ADAMTS19: variants seen among roughly 807,000 people sequenced by gnomAD.
ADAMTS19 encodes A disintegrin and metalloproteinase with thrombospondin motifs 19.
A neutral mutation model predicts 153.3 loss-of-function variants in ADAMTS19; 93 were observed. The ratio of observed to expected loss-of-function variants is 0.61; its 90% CI spans 0.51 to 0.72. The LOEUF is 0.72. ADAMTS19 is among the 30% of genes least tolerant of loss of function. The pLI is 0.00. For synonymous variants in ADAMTS19, 600 were observed against 556.6 expected, an observed-to-expected ratio of 1.08 and a Z score of -1.10; for missense variants, 1,482 against 1,552.1, an observed-to-expected ratio of 0.95 and a Z score of 0.76.
At chr5:129,657,902 G>A (rs747632047) in intron 14 of ADAMTS19, among the ~76,000 whole-genome samples, 2 of 152,182 alleles carry the variant, frequency 1.3e-5, no homozygotes, top group Non-Finnish European at 2.9e-5. Context: ...TAATAGAAAT[G>A]TGATTTCCTT....
Position 129,666,857 on chromosome 5 carries a change from T to G in ADAMTS19, c.2506+1278T>G, listed in dbSNP as rs145132065. On this transcript the variant is annotated intron_variant, in intron 16 of 22. Coordinates refer to ENST00000274487, the MANE Select transcript of ADAMTS19 (RefSeq NM_133638.6). The stretch of plus-strand genomic sequence containing the variant: ...TTGTTATTACACTTGCATGTATGTT[T>G]TCTTTTTTCCAAGCTGGAAAGGAAT... Among the ~76,000 whole-genome samples, 9 of 152,334 alleles carry G rather than the reference T, an allele frequency of 5.9e-5. No homozygotes were observed. The East Asian group carries it at 1.7e-3, about 29-fold the overall frequency.
intron 6 of ADAMTS19, among the ~76,000 whole-genome samples, chr5:129,537,025 A>G (rs1412303303): frequency 1.3e-5 from 2 of 151,768 alleles, no homozygotes; most frequent in South Asian, 4.2e-4. Context: ...TAAGCTGCAC[A>G]TTGTGCACAT....
chr5:129,563,049 C>T (rs1421153477), intron 7 of ADAMTS19, among the ~76,000 whole-genome samples: 7 of 152,120 alleles, frequency 4.6e-5, no homozygotes, highest in Non-Finnish European at 1.0e-4. Flanking sequence ...TTTAAATAGC[C>T]CTTTATGTCA....
At chr5:129,540,082 G>GA (rs1418206093) in intron 6 of ADAMTS19, among the ~76,000 whole-genome samples, 1 of 152,000 alleles carries the variant, frequency 6.6e-6, no homozygotes, top group African/African-American at 2.4e-5. Context: ...AATAACATTG[G>GA]AAAAAATGTT....
chr5:129,569,866 A>T (rs191368033), intron 7 of ADAMTS19, among the ~76,000 whole-genome samples: 1 of 152,142 alleles, frequency 6.6e-6, no homozygotes, highest in African/African-American at 2.4e-5. Context: ...ATAAAAAAGG[A>T]CAGATCTCAC....
chr5:129,718,708 C>G (rs555593303), intron 21 of ADAMTS19, among the ~76,000 whole-genome samples: 1 of 152,236 alleles, frequency 6.6e-6, no homozygotes, highest in South Asian at 2.1e-4. Flanking sequence ...CTTGTTAAAC[C>G]ACTTTGGAAT....
At chr5:129,662,888 A>ATTTTTT (rs3049499) in intron 15 of ADAMTS19, among the ~76,000 whole-genome samples, 1,611 of 92,870 alleles carry the variant, frequency 0.017, 141 homozygotes, top group African/African-American at 0.072. Context: ...ATTCTTCTTC[A>ATTTTTT]TTTTTTTTTT....
chr5:129,653,827 A>C (rs980615474), intron 13 of ADAMTS19, among the ~76,000 whole-genome samples: 4 of 152,188 alleles, frequency 2.6e-5, no homozygotes, highest in Non-Finnish European at 4.4e-5. Context: ...GAAAATGTCA[A>C]CTATATAGAA....
intron 14 of ADAMTS19, 40 bp downstream of exon 14, chr5:129,654,473 G>A (rs1753457241): frequency 6.3e-7 from 1 of 1,587,304 alleles, no homozygotes; most frequent in South Asian, 1.2e-5. Flanking sequence ...ATATGTTGAA[G>A]GAAAATTGTG....
intron 2 of ADAMTS19, among the ~76,000 whole-genome samples, chr5:129,470,099 T>C (rs1750014749): frequency 6.6e-6 from 1 of 152,206 alleles, no homozygotes; most frequent in Non-Finnish European, 1.5e-5. Context: ...GCCAATTTTG[T>C]GAGAAGAAAT....
At chr5:129,645,906 T>TTTTTTTTTTTTTTTTTTTTTTTTGGG (rs1753040450) in intron 11 of ADAMTS19, among the ~76,000 whole-genome samples, 1 of 118,418 alleles carries the variant, frequency 8.4e-6, no homozygotes, top group East Asian at 2.9e-4. Flanking sequence ...TTTTTTTTTT[T>TTTTTTTTTTTTTTTTTTTTTTTTGGG]GAGACGGAGT....
At chr5:129,702,941 A>AATATATATATATATATATAT (rs59614056) in intron 20 of ADAMTS19, among the ~76,000 whole-genome samples, 72 of 29,052 alleles carry the variant, frequency 2.5e-3, no homozygotes, top group African/African-American at 3.0e-3. Flanking sequence ...AAAAAAAAAA[A>AATATATATATATATATATAT]ATATATATAT....
chr5:129,587,953 ACT>A (rs1157594141), intron 7 of ADAMTS19, among the ~76,000 whole-genome samples: 2 of 151,672 alleles, frequency 1.3e-5, no homozygotes, highest in Admixed American at 6.6e-5. Flanking sequence ...CACCTTTGAG[ACT>A]CTCTCCTATT....
chr5:129,491,587 ATTTC>A (rs1750773406), intron 2 of ADAMTS19, among the ~76,000 whole-genome samples: 1 of 152,114 alleles, frequency 6.6e-6, no homozygotes, highest in South Asian at 2.1e-4. Flanking sequence ...TTACAAATAT[ATTTC>A]TTTGTTATAT....
intron 8 of ADAMTS19, among the ~76,000 whole-genome samples, chr5:129,596,876 T>TAAAG (rs1581127218): frequency 1.3e-5 from 2 of 152,278 alleles, no homozygotes; most frequent in Non-Finnish European, 2.9e-5. Context: ...CTTATTACAT[T>TAAAG]ATTAAAATCC....
chr5:129,725,031 T>A (rs1219340171), intron 21 of ADAMTS19, among the ~76,000 whole-genome samples: 1 of 152,142 alleles, frequency 6.6e-6, no homozygotes, highest in Non-Finnish European at 1.5e-5. Context: ...TTTCTATGTC[T>A]GCAGTTCAAT....
intron 6 of ADAMTS19, among the ~76,000 whole-genome samples, chr5:129,535,170 A>G (rs933439848): frequency 7.2e-5 from 11 of 152,146 alleles, no homozygotes; most frequent in African/African-American, 2.2e-4. Flanking sequence ...AAACCCCATC[A>G]TCTCAGCCCA....
chr5:129,511,063 C>T (rs535541827), intron 3 of ADAMTS19, among the ~76,000 whole-genome samples: 11 of 151,726 alleles, frequency 7.2e-5, no homozygotes, highest in South Asian at 2.1e-4. Flanking sequence ...TATTTATTTA[C>T]GGGTACTGAC....
chr5:129,684,790 A>G (rs1392078378), intron 18 of ADAMTS19, among the ~76,000 whole-genome samples: 3 of 152,124 alleles, frequency 2.0e-5, no homozygotes, highest in African/African-American at 4.8e-5. Context: ...GATCAAGACC[A>G]TTCTGGCTAA....
Sources: gnomAD v4.1 joint callset for allele counts (sites outside exome capture counted in the v4.1 genomes callset) on GRCh38, gnomAD v4.1.1 for gene constraint, MANE v1.5 for transcripts, NCBI Gene and HGNC (gene_info 2026-07-23, HGNC 2026-07-21) for gene names.